Variants in WWC1 observed in about 807,000 individuals in gnomAD.
WWC1 encodes the protein WW and C2 domain containing 1.
WWC1 carries 55 observed loss-of-function variants against 138.4 expected under a neutral mutation model. The observed-to-expected ratio is 0.40, with a 90% confidence interval of 0.32 to 0.50. The LOEUF is 0.50. WWC1 is among the 20% of genes least tolerant of loss of function. WWC1 has a pLI of 0.72. For missense variants in WWC1, 1,226 were observed against 1,420.4 expected, an observed-to-expected ratio of 0.86 and a Z score of 2.20; for synonymous variants, 524 against 564.9, an observed-to-expected ratio of 0.93 and a Z score of 1.03.
At chr5:168,416,992 C>T (rs2014566) in intron 9 of WWC1, among the ~76,000 whole-genome samples, 2,813 of 152,146 alleles carry the variant, frequency 0.018, 92 homozygotes, top group African/African-American at 0.064. Flanking sequence ...CTTAGCCTCC[C>T]GAGTAGCTGG....
rs146261214 is a variant in WWC1 at position 168,350,051 on chromosome 5, T to G, written c.120-21373T>G. ...GAGATCTTATGGAAAAGCTCTCAGC[T>G]AAATTGGACATTAAATACTAGAGGA... On this transcript the variant is annotated intron_variant, in intron 1 of 22. Transcript: ENST00000265293. Among the ~76,000 whole-genome samples, 210 of 152,250 alleles carry G rather than the reference T, an allele frequency of 1.4e-3. No homozygotes were observed. In the Middle Eastern group the frequency reaches 0.017, roughly 12 times the overall value.
At chr5:168,389,892 G>C (rs1432238297) in intron 3 of WWC1, among the ~76,000 whole-genome samples, 1 of 152,088 alleles carries the variant, frequency 6.6e-6, no homozygotes, top group South Asian at 2.1e-4. Context: ...TTGTGATAAC[G>C]AAAAATGTCT....
intron 1 of WWC1, among the ~76,000 whole-genome samples, chr5:168,323,388 TA>T: frequency 6.6e-6 from 1 of 151,780 alleles, no homozygotes; most frequent in Middle Eastern, 3.4e-3. Flanking sequence ...TCCACTAAAA[TA>T]AAAAAGAAAT....
At chr5:168,431,477 G>A (rs922750815) in intron 15 of WWC1, 33 bp downstream of exon 15, 3 of 1,527,620 alleles carry the variant, frequency 2.0e-6, no homozygotes, top group Admixed American at 3.7e-5. Flanking sequence ...TGGCTGGCTG[G>A]CTGGCTGGCT....
intron 1 of WWC1, among the ~76,000 whole-genome samples, chr5:168,316,322 G>T (rs538122010): frequency 6.6e-6 from 1 of 152,278 alleles, no homozygotes; most frequent in East Asian, 1.9e-4. Context: ...TCCATCACCT[G>T]GCTCTGAAAA....
chr5:168,422,003 T>A lies in WWC1; in HGVS notation c.1185-5T>A, dbSNP rs201393227. On this transcript the variant is annotated splice_region_variant and splice_polypyrimidine_tract_variant and intron_variant, in intron 9 of 22. Coordinates refer to ENST00000265293, the MANE Select transcript of WWC1 (RefSeq NM_015238.3). ...GCATCCCTCGCATGCTTTCTCTCCT[T>A]CCAGGTTAAAGTTAAACAGTAAGAG... The A allele has an allele frequency of 8.7e-6, 14 of 1,610,466 alleles. No homozygotes were observed. In the African/African-American group the frequency reaches 1.9e-4, roughly 21 times the overall value.
intron 3 of WWC1, among the ~76,000 whole-genome samples, chr5:168,388,382 A>AT (rs1380561232): frequency 6.6e-6 from 1 of 152,166 alleles, no homozygotes; most frequent in Non-Finnish European, 1.5e-5. Context: ...GCCATAAAAG[A>AT]CATTCTCAGA....
At chr5:168,421,887 G>C (rs1449986394) in intron 9 of WWC1, 121 bp from the exon 10 acceptor site, 1 of 726,756 alleles carries the variant, frequency 1.4e-6, no homozygotes, top group Non-Finnish European at 2.4e-6. Flanking sequence ...TAGCTCCCCA[G>C]ATGCCGTGGT....
At chr5:168,408,677 G>A in intron 7 of WWC1, 24 bp downstream of exon 7, 8 of 1,612,658 alleles carry the variant, frequency 5.0e-6, no homozygotes, top group Non-Finnish European at 6.8e-6. Flanking sequence ...GCAGGTTGCT[G>A]GGGGCCTTCC....
intron 3 of WWC1, among the ~76,000 whole-genome samples, chr5:168,385,929 TG>T (rs1352083128): frequency 2.6e-5 from 4 of 152,196 alleles, no homozygotes; most frequent in African/African-American, 9.7e-5. Context: ...CAGCCCTCCG[TG>T]GTCAGGCCCC....
chr5:168,438,795 G>GA (rs139240087), intron 15 of WWC1, among the ~76,000 whole-genome samples: 3,733 of 146,730 alleles, frequency 0.025, 84 homozygotes, highest in African/African-American at 0.061. Flanking sequence ...GGCTGTAGGG[G>GA]AAAAAAAAAA....
chr5:168,337,159 T>C (rs1406661059), intron 1 of WWC1, among the ~76,000 whole-genome samples: 3 of 152,070 alleles, frequency 2.0e-5, no homozygotes, highest in Admixed American at 6.5e-5. Flanking sequence ...GGCAGAATCG[T>C]TGGGGTCCTG....
chr5:168,336,588 A>C (rs986403094), intron 1 of WWC1, among the ~76,000 whole-genome samples: 7 of 151,440 alleles, frequency 4.6e-5, no homozygotes, highest in African/African-American at 1.7e-4. Flanking sequence ...AAAAAAAAAA[A>C]AAAAAAACAA....
At chr5:168,320,717 G>A (rs998252815) in intron 1 of WWC1, among the ~76,000 whole-genome samples, 1 of 152,114 alleles carries the variant, frequency 6.6e-6, no homozygotes, top group South Asian at 2.1e-4. Flanking sequence ...TTCAAGTAGA[G>A]CAAAGGCCTT....
Position 168,408,559 on chromosome 5 carries a change from A to T in WWC1, c.773A>T (p.Asp258Val), listed in dbSNP as rs776253331. ...CGCACTGACAGGGGGTCTCACTCAG[A>T]CCTGTGGTCCAGCAGCAGCTCTCTG... is the stretch of plus-strand genomic sequence containing the variant. ...GFRTDRGSHS[D>V]LWSSSSSLES... Residue 258 changes from aspartate to valine, a missense_variant, in exon 7 of 23, where the codon GAC (aspartate) becomes GTC (valine). By Grantham distance (152) the Asp-to-Val change is radical. Transcript: ENST00000265293. The T allele has an allele frequency of 6.2e-7, 1 of 1,614,170 alleles. No individual in the cohort carries two copies. Among genetic ancestry groups the T allele is most frequent in the East Asian group, 2.2e-5 (1 of 44,886 alleles).
At chr5:168,333,813 G>A (rs1418415878) in intron 1 of WWC1, among the ~76,000 whole-genome samples, 1 of 151,984 alleles carries the variant, frequency 6.6e-6, no homozygotes. Flanking sequence ...TCCCTTACCA[G>A]CCCCCTCCCA....
chr5:168,463,472 G>A (rs924290499), intron 20 of WWC1, among the ~76,000 whole-genome samples: 17 of 152,150 alleles, frequency 1.1e-4, no homozygotes, highest in African/African-American at 4.1e-4. Flanking sequence ...CAGCAGAAGA[G>A]CCCAGCCAGG....
intron 1 of WWC1, among the ~76,000 whole-genome samples, chr5:168,352,586 A>T (rs952425349): frequency 7.0e-6 from 1 of 142,164 alleles, no homozygotes; most frequent in African/African-American, 2.6e-5. Flanking sequence ...TATATATATA[A>T]TTTTTTTTTT....
At chr5:168,343,818 A>T (rs1166499389) in intron 1 of WWC1, among the ~76,000 whole-genome samples, 2 of 10,302 alleles carry the variant, frequency 1.9e-4, no homozygotes, top group Non-Finnish European at 3.9e-4. Flanking sequence ...CTATGTCTCA[A>T]AAAAAAAAAA....
Sources: gnomAD v4.1 joint callset for allele counts (sites outside exome capture counted in the v4.1 genomes callset) on GRCh38, gnomAD v4.1.1 for gene constraint, MANE v1.5 for transcripts, NCBI Gene and HGNC (gene_info 2026-07-23, HGNC 2026-07-21) for gene names.